SLC1A6: variants seen among roughly 807,000 people sequenced by gnomAD.
SLC1A6 encodes solute carrier family 1 member 6, also known as excitatory amino acid transporter 4.
In SLC1A6, 15 loss-of-function variants were observed where a neutral mutation model predicts 42.1. That is an observed-to-expected ratio of 0.36 (90% CI 0.24 to 0.55). The LOEUF is 0.55. Ranked by LOEUF, SLC1A6 falls within the 20% of genes least tolerant of loss-of-function variation. The probability of loss-of-function intolerance (pLI) is 0.88; values close to 1 mark genes in which losing one functional copy is unlikely to be tolerated. For synonymous variants in SLC1A6, 317 were observed against 319.7 expected (o/e 0.99, Z 0.09); for missense variants, 542 against 772.5 (o/e 0.70, Z 3.54).
At chr19:14,954,009 G>A (rs1252304293) in intron 8 of SLC1A6, 126 bp downstream of exon 8, 9 of 807,880 alleles carry the variant, frequency 1.1e-5, no homozygotes, top group Middle Eastern at 3.0e-4. Flanking sequence ...CCCACATCCC[G>A]CTTCCAACAT....
intron 4 of SLC1A6, 61 bp from the exon 5 acceptor site, chr19:14,964,422 A>G: frequency 7.4e-7 from 1 of 1,348,240 alleles, no homozygotes; most frequent in Non-Finnish European, 1.1e-6. Context: ...CTAGGGTGAT[A>G]ACAGTAATAC....
chr19:15,008,758 C>T (rs1008271239), intron 1 of SLC1A6, among the ~76,000 whole-genome samples: 7 of 151,692 alleles, frequency 4.6e-5, no homozygotes, highest in Admixed American at 3.9e-4. Flanking sequence ...TCAAGGAAGT[C>T]GAATTGCTTG....
At chr19:14,995,562 G>C (rs2045842246) in intron 1 of SLC1A6, among the ~76,000 whole-genome samples, 1 of 151,934 alleles carries the variant, frequency 6.6e-6, no homozygotes, top group African/African-American at 2.4e-5. Flanking sequence ...AGATGCAAAT[G>C]CTTCACCACA....
chr19:15,002,976 T>TTGTTGTTGTTGC (rs1337872814), intron 1 of SLC1A6, among the ~76,000 whole-genome samples: 14 of 152,068 alleles, frequency 9.2e-5, no homozygotes, highest in African/African-American at 3.4e-4. Context: ...GTTGTTGTTG[T>TTGTTGTTGTTGC]TGTTGTTGTT....
At chr19:14,997,135 C>T (rs115918557) in intron 1 of SLC1A6, among the ~76,000 whole-genome samples, 20,786 of 152,110 alleles carry the variant, frequency 0.14, 1,510 homozygotes, top group Non-Finnish European at 0.15. Flanking sequence ...AGACAAAACT[C>T]AGTCATCCCT....
chr19:14,954,348 G>T lies in SLC1A6; in HGVS notation c.1170-19C>A, dbSNP rs370737003. On this transcript the variant is annotated intron_variant, in intron 7 of 9. Transcript: ENST00000594383. ...TGCCGAGCTGGGGGAAAGAGCCCAG[G>T]ACTGAGGATGGGGCGTGGCCTGGTG... The T allele has an allele frequency of 1.7e-4, 268 of 1,601,680 alleles. 1 individual carries two copies. The African/African-American group carries it at 3.3e-3, about 20-fold the overall frequency.
chr19:14,954,572 G>A (rs1162923759), intron 7 of SLC1A6, among the ~76,000 whole-genome samples: 2 of 152,032 alleles, frequency 1.3e-5, no homozygotes, highest in Non-Finnish European at 2.9e-5. Context: ...AGGTGAGGAA[G>A]AGCTGAGAAT....
chr19:14,986,523 A>C (rs1377267832), intron 1 of SLC1A6, among the ~76,000 whole-genome samples: 5 of 140,790 alleles, frequency 3.6e-5, no homozygotes, highest in Non-Finnish European at 6.1e-5. Context: ...ACTCCGTCTC[A>C]AAAAAAAAAA....
chr19:14,966,840 C>T (rs7253547), intron 4 of SLC1A6, among the ~76,000 whole-genome samples: 21,003 of 151,808 alleles, frequency 0.14, 1,778 homozygotes, highest in South Asian at 0.24. Flanking sequence ...AATACATGGA[C>T]ACAGGGAAGG....
chr19:14,963,462 C>G (rs1046532580), intron 5 of SLC1A6, among the ~76,000 whole-genome samples: 7 of 152,058 alleles, frequency 4.6e-5, no homozygotes, highest in African/African-American at 1.7e-4. Flanking sequence ...GTGTCTTTAT[C>G]TCAAAAAATG....
At chr19:14,964,267 G>A (rs1199554018) in intron 5 of SLC1A6, 52 bp downstream of exon 5, 1 of 1,529,672 alleles carries the variant, frequency 6.5e-7, no homozygotes, top group Non-Finnish European at 9.1e-7. Flanking sequence ...TCAGCCCCAA[G>A]CTCCCACCAC....
chr19:14,973,671 G>A (rs1241674505), intron 1 of SLC1A6: 1 of 152,774 alleles, frequency 6.5e-6, no homozygotes, highest in Admixed American at 6.5e-5. Context: ...TGCCCCAGTG[G>A]CTCAAGGGAA....
chr19:15,004,960 A>G (rs972476127), intron 1 of SLC1A6, among the ~76,000 whole-genome samples: 1 of 152,196 alleles, frequency 6.6e-6, no homozygotes, highest in African/African-American at 2.4e-5. Context: ...CCAGCAATGA[A>G]TGGTTCCTTC....
chr19:14,954,488 A>C (rs1050598401), intron 7 of SLC1A6, among the ~76,000 whole-genome samples, 159 bp from the exon 8 acceptor site: 1 of 151,146 alleles, frequency 6.6e-6, no homozygotes, highest in Admixed American at 6.6e-5. Context: ...GAGAATGGGT[A>C]GGGCTGGGTC....
rs896326116 is a variant in SLC1A6 at position 14,950,365 on chromosome 19, C to G, written c.1525G>C (p.Val509Leu). ...FLDRLRTMTN[V>L]LGDSIGAAVI... ...GCCGCTCCAATTGAGTCCCCCAGTA[C>G]GTTGGTCATTGTGCGAAGCCGGTCA... The change falls in exon 10 of 10, where the codon GTA becomes CTA. Residue 509 changes from valine to leucine, a missense_variant. Val to Leu is a conservative substitution (Grantham distance 32, BLOSUM62 1). Transcript: ENST00000594383. 5 of 1,594,784 alleles carry G rather than the reference C, an allele frequency of 3.1e-6. No individual in the cohort carries two copies. Among genetic ancestry groups the G allele is most frequent in the Non-Finnish European group, 3.4e-6 (4 of 1,167,280 alleles).
intron 4 of SLC1A6, among the ~76,000 whole-genome samples, chr19:14,966,679 GC>G (rs2045577274): frequency 6.6e-6 from 1 of 152,100 alleles, no homozygotes; most frequent in South Asian, 2.1e-4. Context: ...TATATGCCAT[GC>G]AAATACTATG....
At chr19:14,954,525 G>A (rs2045443869) in intron 7 of SLC1A6, among the ~76,000 whole-genome samples, 196 bp from the exon 8 acceptor site, 1 of 152,050 alleles carries the variant, frequency 6.6e-6, no homozygotes, top group South Asian at 2.1e-4. Context: ...GAACAGGGGA[G>A]GAGTAGGTGA....
At chr19:14,953,279 C>T (rs2145163905) in intron 8 of SLC1A6, among the ~76,000 whole-genome samples, 1 of 145,982 alleles carries the variant, frequency 6.9e-6, no homozygotes, top group African/African-American at 2.5e-5. Context: ...CCTCGCCTCA[C>T]CTTGCCCCTG....
chr19:15,008,719 T>C (rs2079250), intron 1 of SLC1A6, among the ~76,000 whole-genome samples: 59,734 of 151,928 alleles, frequency 0.39, 12,774 homozygotes, highest in East Asian at 0.55. Flanking sequence ...TGCGGTGATT[T>C]CCCCCTGTAA....
Sources: allele counts gnomAD v4.1 joint callset (sites outside exome capture counted in the v4.1 genomes callset), GRCh38; gene constraint gnomAD v4.1.1; transcripts MANE v1.5; gene names NCBI Gene and HGNC (gene_info 2026-07-23, HGNC 2026-07-21).